Variants in RYR2 observed in about 807,000 individuals in gnomAD.
RYR2 encodes ryanodine receptor 2, also known as cardiac muscle ryanodine receptor-calcium release channel.
RYR2 carries 227 observed loss-of-function variants against 601.1 expected under a neutral mutation model. That is an observed-to-expected ratio of 0.38 (90% CI 0.34 to 0.42). The LOEUF is 0.42. Ranked by LOEUF, RYR2 falls within the 10% of genes least tolerant of loss-of-function variation. The pLI, the probability that RYR2 is intolerant of heterozygous loss-of-function variation, is 1.00. For missense variants in RYR2, 4,646 were observed against 6,156.5 expected (o/e 0.75, Z 8.21); for synonymous variants, 2,223 against 2,175.1 (o/e 1.02, Z -0.61).
intron 16 of RYR2, among the ~76,000 whole-genome samples, chr1:237,465,573 G>C (rs1659982693): frequency 6.6e-6 from 1 of 152,164 alleles, no homozygotes; most frequent in Admixed American, 6.5e-5. Flanking sequence ...AAACCTCCGT[G>C]TTATAGCCTA....
intron 4 of RYR2, among the ~76,000 whole-genome samples, chr1:237,362,724 G>C (rs1699881924): frequency 6.6e-6 from 1 of 152,138 alleles, no homozygotes; most frequent in Non-Finnish European, 1.5e-5. Flanking sequence ...TGTACAGAAA[G>C]TTATTGTCAA....
chr1:237,622,477 G>T (rs946483217), intron 38 of RYR2, among the ~76,000 whole-genome samples: 1 of 152,144 alleles, frequency 6.6e-6, no homozygotes, highest in South Asian at 2.1e-4. Flanking sequence ...CAGGCTATGT[G>T]TGTAAGGTGT....
At chr1:237,360,026 A>T (rs1482589715) in intron 4 of RYR2, among the ~76,000 whole-genome samples, 4 of 152,216 alleles carry the variant, frequency 2.6e-5, no homozygotes, top group African/African-American at 9.7e-5. Flanking sequence ...AAAAAATATG[A>T]TGATGCTGTT....
chr1:237,346,478 A>G (rs893885114), intron 3 of RYR2, among the ~76,000 whole-genome samples: 1 of 152,112 alleles, frequency 6.6e-6, no homozygotes, highest in Non-Finnish European at 1.5e-5. Context: ...TTTAGGAAGT[A>G]GTAGCTCTTA....
At chr1:237,246,887 A>C (rs1252990159) in intron 1 of RYR2, among the ~76,000 whole-genome samples, 1 of 152,208 alleles carries the variant, frequency 6.6e-6, no homozygotes, top group Non-Finnish European at 1.5e-5. Flanking sequence ...ACTAGCATAT[A>C]AATTCACTCA....
At chr1:237,204,509 A>C (rs71533601) in intron 1 of RYR2, among the ~76,000 whole-genome samples, 47 of 129,542 alleles carry the variant, frequency 3.6e-4, no homozygotes, top group East Asian at 7.8e-4. Context: ...AAAACAAAAA[A>C]AAAAAAAAAG....
chr1:237,682,348 C>G (rs1259843660), intron 62 of RYR2, among the ~76,000 whole-genome samples: 1 of 152,146 alleles, frequency 6.6e-6, no homozygotes, highest in Non-Finnish European at 1.5e-5. Flanking sequence ...GGGCTCTAGA[C>G]TAACCCTAGA....
intron 17 of RYR2, among the ~76,000 whole-genome samples, chr1:237,486,176 G>A (rs956464380): frequency 6.6e-6 from 1 of 152,244 alleles, no homozygotes; most frequent in African/African-American, 2.4e-5. Context: ...ACATATATAC[G>A]TACAAAGAAA....
chr1:237,318,293 C>T (rs1417890089), intron 2 of RYR2, among the ~76,000 whole-genome samples: 1 of 151,994 alleles, frequency 6.6e-6, no homozygotes, highest in African/African-American at 2.4e-5. Context: ...ACATATACAC[C>T]CATACATCAT....
At chr1:237,775,149 A>T (rs904067596) in intron 87 of RYR2, among the ~76,000 whole-genome samples, 2 of 152,042 alleles carry the variant, frequency 1.3e-5, no homozygotes, top group African/African-American at 4.8e-5. Flanking sequence ...ACATTTTAAA[A>T]TAACAATCGT....
rs1166900411 is a variant in RYR2, at chr1:237,610,210, G to C, written c.4684-552G>C. On this transcript the variant is annotated intron_variant, in intron 35 of 104. Coordinates refer to ENST00000366574, the MANE Select transcript of RYR2 (RefSeq NM_001035.3). The surrounding 1 kb of genome is among the most constrained non-coding windows in gnomAD (Gnocchi z 4.9). ...GGCTGAAGATGATACTGGAGGTGGA[G>C]GAGAAATAAGTAGGTTTGTTAATGC... Among the ~76,000 whole-genome samples, 1 of 152,182 alleles carries C rather than the reference G, an allele frequency of 6.6e-6. No individual in the cohort carries two copies. Among genetic ancestry groups the C allele is most frequent in the African/African-American group, 2.4e-5 (1 of 41,446 alleles).
intron 99 of RYR2, among the ~76,000 whole-genome samples, 171 bp downstream of exon 99, chr1:237,806,454 G>A (rs759470611): frequency 1.1e-4 from 16 of 152,066 alleles, no homozygotes; most frequent in Non-Finnish European, 2.2e-4. Flanking sequence ...GGTCTCCTAG[G>A]CCTATACTCA....
chr1:237,288,645 G>C (rs771773743), intron 2 of RYR2, among the ~76,000 whole-genome samples: 21 of 152,102 alleles, frequency 1.4e-4, no homozygotes, highest in Non-Finnish European at 1.9e-4. Flanking sequence ...AGAAGGGCCA[G>C]TCGTACTCCC....
chr1:237,217,745 C>G (rs1026918358), intron 1 of RYR2, among the ~76,000 whole-genome samples: 10 of 152,132 alleles, frequency 6.6e-5, no homozygotes, highest in African/African-American at 1.9e-4. Flanking sequence ...TGCTGACTCG[C>G]TTTACTCTGT....
Position 237,792,246 on chromosome 1 carries a change from G to C in RYR2, c.13705G>C (p.Glu4569Gln), listed in dbSNP as rs1319611231. 1 of 1,613,810 alleles carries C rather than the reference G, an allele frequency of 6.2e-7. No homozygotes were observed. Among genetic ancestry groups the C allele is most frequent in the South Asian group, 1.1e-5 (1 of 91,082 alleles). Residue 4569 changes from glutamate (E) to glutamine (Q), a missense_variant, in exon 94 of 105, where the codon GAG (glutamate) becomes CAG (glutamine). Glu to Gln is a conservative substitution (Grantham distance 29). Coordinates refer to ENST00000366574, the MANE Select transcript of RYR2 (RefSeq NM_001035.3). ...ACTAGAGGAGAGCAGCGGCTACATGGAGCCCACGTTGCGTATCTTAGCTAT... is the reference window on the plus strand; with the variant it reads ...ACTAGAGGAGAGCAGCGGCTACATGCAGCCCACGTTGCGTATCTTAGCTAT... ...YVLEESSGYM[E>Q]PTLRILAILH...
intron 1 of RYR2, among the ~76,000 whole-genome samples, chr1:237,064,206 G>A (rs919241953): frequency 1.1e-4 from 17 of 150,862 alleles, no homozygotes; most frequent in African/African-American, 2.9e-4. Flanking sequence ...TACTTAATTC[G>A]GAGTATTTCC....
intron 1 of RYR2, among the ~76,000 whole-genome samples, chr1:237,085,294 G>T (rs1666185455): frequency 6.6e-6 from 1 of 152,156 alleles, no homozygotes; most frequent in African/African-American, 2.4e-5. Flanking sequence ...ATGGAACCGT[G>T]ACTTATCAAA....
intron 2 of RYR2, among the ~76,000 whole-genome samples, chr1:237,281,766 A>T (rs1690899706): frequency 1.3e-5 from 2 of 152,242 alleles, no homozygotes; most frequent in Admixed American, 1.3e-4. Flanking sequence ...TATTGCAAAC[A>T]GGAACAGCAC....
At chr1:237,767,413 A>C (rs1308039111) in intron 84 of RYR2, among the ~76,000 whole-genome samples, 2 of 152,160 alleles carry the variant, frequency 1.3e-5, no homozygotes, top group African/African-American at 4.8e-5. Context: ...GTTCGAGATT[A>C]TGTTCACCTC....
Sources: gnomAD v4.1 joint callset for allele counts (sites outside exome capture counted in the v4.1 genomes callset) on GRCh38, gnomAD v4.1.1 for gene constraint, Gnocchi (gnomAD v3.1) non-coding constraint, MANE v1.5 for transcripts, NCBI Gene and HGNC (gene_info 2026-07-23, HGNC 2026-07-21) for gene names.